Variants in PALM2AKAP2 observed in about 807,000 individuals in gnomAD.
PALM2AKAP2 encodes the protein PALM2 and AKAP2 fusion.
A neutral mutation model predicts 71.5 loss-of-function variants in PALM2AKAP2; 37 were observed. The ratio of observed to expected loss-of-function variants is 0.52; its 90% CI spans 0.40 to 0.68. The LOEUF is 0.68. Ranked by LOEUF, PALM2AKAP2 falls within the 30% of genes least tolerant of loss-of-function variation. The pLI, the probability that PALM2AKAP2 is intolerant of heterozygous loss-of-function variation, is 0.00. For synonymous variants in PALM2AKAP2, 468 were observed against 478.8 expected (o/e 0.98, Z 0.29); for missense variants, 1,224 against 1,191.8 (o/e 1.03, Z -0.40).
At chr9:110,135,996 A>G (rs1835854608) in intron 1 of PALM2AKAP2, 131 bp from the exon 8 acceptor site, 2 of 1,172,744 alleles carry the variant, frequency 1.7e-6, no homozygotes, top group East Asian at 2.5e-5. Flanking sequence ...TTATTAGAAA[A>G]TATCTATTCA....
intron 1 of PALM2AKAP2, among the ~76,000 whole-genome samples, chr9:109,748,570 G>A (rs1828837512): frequency 6.6e-6 from 1 of 152,186 alleles, no homozygotes; most frequent in African/African-American, 2.4e-5. Flanking sequence ...GAATCATGAT[G>A]CTTCCTAAGT....
At chr9:110,076,310 T>A (rs1054762574) in intron 1 of PALM2AKAP2, among the ~76,000 whole-genome samples, 5 of 151,772 alleles carry the variant, frequency 3.3e-5, no homozygotes, top group Admixed American at 6.6e-5. Flanking sequence ...TTTATGTTGG[T>A]GATTTGATGG....
chr9:109,651,483 A>G (rs1827224850), intron 1 of PALM2AKAP2, among the ~76,000 whole-genome samples: 1 of 152,148 alleles, frequency 6.6e-6, no homozygotes, highest in African/African-American at 2.4e-5. Context: ...CTCTTTATTA[A>G]GATTATTTCA....
Position 109,972,462 on chromosome 9 carries a change from A to G in PALM2AKAP2, c.496+40434A>G, listed in dbSNP as rs13285472. Among the ~76,000 whole-genome samples the G allele has an allele frequency of 5.6e-3, 850 of 152,324 alleles. 5 individuals are homozygous for G. Among genetic ancestry groups the G allele is most frequent in the Admixed American group, 0.012 (191 of 15,300 alleles). The stretch of plus-strand genomic sequence containing the variant: ...AGAAGGGAATATGGTTTTGTGGATG[A>G]ACGTGGGAGACAGCATGGCATGAGG... On this transcript the variant is annotated intron_variant, in intron 6 of 9. Transcript: ENST00000302798.
At chr9:110,004,617 CAG>C (rs1195152665) in intron 6 of PALM2AKAP2, among the ~76,000 whole-genome samples, 2 of 152,188 alleles carry the variant, frequency 1.3e-5, no homozygotes, top group Non-Finnish European at 2.9e-5. Flanking sequence ...TAATATCCTG[CAG>C]AGTGTTTTCA....
At chr9:109,849,398 G>A (rs1379258346) in intron 1 of PALM2AKAP2, among the ~76,000 whole-genome samples, 1 of 152,146 alleles carries the variant, frequency 6.6e-6, no homozygotes, top group African/African-American at 2.4e-5. Context: ...TTTAAAAAAT[G>A]TTGTTTCTTG....
At chr9:109,995,101 A>G (rs1832549731) in intron 6 of PALM2AKAP2, among the ~76,000 whole-genome samples, 2 of 152,182 alleles carry the variant, frequency 1.3e-5, no homozygotes, top group Admixed American at 1.3e-4. Flanking sequence ...ACATGATTCA[A>G]GTGAGTTTCC....
chr9:109,980,483 A>G (rs1214591746), intron 6 of PALM2AKAP2, among the ~76,000 whole-genome samples: 2 of 152,246 alleles, frequency 1.3e-5, no homozygotes, highest in Non-Finnish European at 1.5e-5. Context: ...GTGAGCGCTA[A>G]GTAACTTTCT....
intron 6 of PALM2AKAP2, among the ~76,000 whole-genome samples, chr9:110,013,784 C>T (rs74727646): frequency 0.028 from 4,246 of 152,188 alleles, 72 homozygotes; most frequent in South Asian, 0.057. Flanking sequence ...TCATTAATTT[C>T]GTATTAATTT....
At chr9:109,748,919 A>G (rs1398780485) in intron 1 of PALM2AKAP2, among the ~76,000 whole-genome samples, 1 of 152,100 alleles carries the variant, frequency 6.6e-6, no homozygotes, top group Non-Finnish European at 1.5e-5. Flanking sequence ...TCCTATTCTT[A>G]TAAAGACTCC....
At chr9:109,683,601 T>G (rs927655465) in intron 1 of PALM2AKAP2, among the ~76,000 whole-genome samples, 1 of 152,186 alleles carries the variant, frequency 6.6e-6, no homozygotes, top group Non-Finnish European at 1.5e-5. Flanking sequence ...AGTCATCCAG[T>G]GTGTGGTGAT....
At chr9:109,793,036 T>C (rs1827159317) in intron 1 of PALM2AKAP2, among the ~76,000 whole-genome samples, 1 of 152,224 alleles carries the variant, frequency 6.6e-6, no homozygotes, top group African/African-American at 2.4e-5. Flanking sequence ...TTGATTTTAT[T>C]ACACTTAATC....
intron 1 of PALM2AKAP2, among the ~76,000 whole-genome samples, chr9:109,862,240 A>G (rs1002259802): frequency 1.3e-5 from 2 of 152,194 alleles, no homozygotes; most frequent in African/African-American, 4.8e-5. Flanking sequence ...TAAGTGGTAG[A>G]AACATCACTC....
At chr9:109,824,048 C>A (rs1482010177) in intron 1 of PALM2AKAP2, among the ~76,000 whole-genome samples, 1 of 152,068 alleles carries the variant, frequency 6.6e-6, no homozygotes, top group Admixed American at 6.5e-5. Context: ...TACCACTATG[C>A]CTGGCTGATT....
chr9:109,898,890 G>A (rs1043880848), intron 3 of PALM2AKAP2, among the ~76,000 whole-genome samples: 2 of 152,188 alleles, frequency 1.3e-5, no homozygotes, highest in Non-Finnish European at 2.9e-5. Context: ...AGCAGCAACG[G>A]AAGCTGCTGA....
At chr9:109,834,578 C>T (rs1828402781) in intron 1 of PALM2AKAP2, among the ~76,000 whole-genome samples, 2 of 152,026 alleles carry the variant, frequency 1.3e-5, no homozygotes, top group African/African-American at 2.4e-5. Context: ...CAGGGTCCAG[C>T]CCAAGGCTCT....
intron 7 of PALM2AKAP2, among the ~76,000 whole-genome samples, chr9:110,022,746 A>AG (rs1432654093): frequency 1.5e-4 from 23 of 150,662 alleles, no homozygotes; most frequent in African/African-American, 5.6e-4. Context: ...ACCCCACAAC[A>AG]GTCCCCGGAG....
intron 1 of PALM2AKAP2, among the ~76,000 whole-genome samples, chr9:109,660,770 T>C (rs1827381110): frequency 6.6e-6 from 1 of 152,190 alleles, no homozygotes; most frequent in Non-Finnish European, 1.5e-5. Context: ...TGAAATAATT[T>C]ACACTGCCAT....
intron 3 of PALM2AKAP2, among the ~76,000 whole-genome samples, chr9:109,887,281 GATTC>G (rs1255030177): frequency 6.6e-6 from 1 of 152,202 alleles, no homozygotes; most frequent in African/African-American, 2.4e-5. Context: ...ACTTGCTTGA[GATTC>G]ATTGTGTTCT....
Sources: allele counts gnomAD v4.1 joint callset (sites outside exome capture counted in the v4.1 genomes callset), GRCh38; gene constraint gnomAD v4.1.1; transcripts MANE v1.5; gene names NCBI Gene and HGNC (gene_info 2026-07-23, HGNC 2026-07-21).